Variants in ZBTB16 observed in about 807,000 individuals in gnomAD.
ZBTB16 encodes zinc finger and BTB domain containing 16, also known as zinc finger and BTB domain-containing protein 16.
In ZBTB16, 8 loss-of-function variants were observed where a neutral mutation model predicts 56.8. That is an observed-to-expected ratio of 0.14 (90% CI 0.08 to 0.25). The LOEUF is 0.25. Ranked by LOEUF, ZBTB16 falls within the 10% of genes least tolerant of loss-of-function variation. ZBTB16 has a pLI of 1.00. For missense variants in ZBTB16, 625 were observed against 903.0 expected (o/e 0.69, Z 3.95); for synonymous variants, 363 against 368.5 (o/e 0.98, Z 0.17).
Position 114,064,856 on chromosome 11 carries a change from G to T in ZBTB16, c.1268+288G>T, listed in dbSNP as rs1784689. Among the ~76,000 whole-genome samples, 149,736 of 152,240 alleles carry T rather than the reference G, an allele frequency of 0.98. 73,697 individuals carry two copies. Among genetic ancestry groups the T allele is most frequent in the East Asian group, 1 (5,178 of 5,178 alleles). On this transcript the variant is annotated intron_variant, in intron 2 of 6. Transcript: ENST00000335953. This position sits in a 1 kb window ranked among gnomAD's most constrained non-coding sequence, Gnocchi z 4.2. ...CTTTTGGGCCCCTGTTTGTTTTTTC[G>T]GCTGTTTGGTCTGTTCTCCTTTGCT...
intron 4 of ZBTB16, among the ~76,000 whole-genome samples, chr11:114,212,076 T>C (rs1446544187): frequency 6.6e-6 from 1 of 151,890 alleles, no homozygotes; most frequent in East Asian, 1.9e-4. Flanking sequence ...CCAGCCCACC[T>C]CCTTTTGTAC....
intron 3 of ZBTB16, among the ~76,000 whole-genome samples, chr11:114,157,526 C>T (rs967095588): frequency 2.6e-5 from 4 of 152,202 alleles, no homozygotes; most frequent in African/African-American, 4.8e-5. Flanking sequence ...GTTTCTGAGC[C>T]TGTTGCCCCG....
rs1339013296 is a variant in ZBTB16 at position 114,251,687 on chromosome 11, GT to G, written c.*1133del. 6.6e-6 allele frequency among the ~76,000 whole-genome samples: 1 copy of G among 152,164 alleles called. No homozygotes were observed. The highest frequency in any genetic ancestry group is 1.5e-5 in the Non-Finnish European group (1 of 68,034). On this transcript the variant is annotated 3_prime_UTR_variant, in exon 7 of 7. Transcript: ENST00000335953. Reference sequence around the variant, plus strand: ...TAGTGAGCTCAGCAAGAAAAGCCAGGTCCAGAGAGAGTCGCACAGAATTCCT... The same window carrying G: ...TAGTGAGCTCAGCAAGAAAAGCCAGGCCAGAGAGAGTCGCACAGAATTCCT...
intron 4 of ZBTB16, among the ~76,000 whole-genome samples, chr11:114,233,024 C>G (rs1326064355): frequency 2.2e-5 from 3 of 137,586 alleles, no homozygotes; most frequent in Admixed American, 7.6e-5. Context: ...ACTTTCCACC[C>G]CAACTCATCC....
chr11:114,105,692 T>C (rs929710140), intron 2 of ZBTB16, among the ~76,000 whole-genome samples: 3 of 152,200 alleles, frequency 2.0e-5, no homozygotes, highest in Non-Finnish European at 2.9e-5. Context: ...ATGAACTTTT[T>C]CCCCTGTTCC....
intron 4 of ZBTB16, among the ~76,000 whole-genome samples, chr11:114,226,965 G>A (rs529822): frequency 0.92 from 139,567 of 152,198 alleles, 64,116 homozygotes; most frequent in East Asian, 1. Context: ...AATCCCTTGC[G>A]TGCAGCCTGA....
chr11:114,240,501 C>T (rs140661192), intron 4 of ZBTB16, among the ~76,000 whole-genome samples: 2 of 147,590 alleles, frequency 1.4e-5, no homozygotes, highest in South Asian at 4.5e-4. Context: ...GGCCTACTTA[C>T]GTTTCCTGCT....
chr11:114,118,201 G>C (rs1438979668), intron 2 of ZBTB16, among the ~76,000 whole-genome samples: 3 of 152,206 alleles, frequency 2.0e-5, no homozygotes, highest in African/African-American at 7.2e-5. Flanking sequence ...TGTTGAGACA[G>C]AGGCTCGCTC....
At chr11:114,138,902 G>C (rs1039404221) in intron 2 of ZBTB16, among the ~76,000 whole-genome samples, 1 of 151,860 alleles carries the variant, frequency 6.6e-6, no homozygotes, top group African/African-American at 2.4e-5. Context: ...TGTTGGCCAG[G>C]CTGGTCTCGA....
intron 2 of ZBTB16, among the ~76,000 whole-genome samples, chr11:114,144,806 C>T (rs760168786): frequency 1.3e-5 from 2 of 152,228 alleles, no homozygotes; most frequent in Admixed American, 6.5e-5. Flanking sequence ...TTGACCAAAT[C>T]AAAGCTGGCT....
intron 2 of ZBTB16, among the ~76,000 whole-genome samples, chr11:114,109,893 G>GA (rs1940940750): frequency 6.6e-6 from 1 of 152,216 alleles, no homozygotes; most frequent in Non-Finnish European, 1.5e-5. Context: ...CAGCTGGGCA[G>GA]AGCAGCAAGG....
intron 2 of ZBTB16, among the ~76,000 whole-genome samples, chr11:114,098,905 T>C (rs1437443367): frequency 6.6e-6 from 1 of 152,218 alleles, no homozygotes; most frequent in Non-Finnish European, 1.5e-5. Flanking sequence ...TTTGTGGTTT[T>C]CAGCCCAGAA....
intron 2 of ZBTB16, among the ~76,000 whole-genome samples, chr11:114,081,072 CCTCA>C (rs1555128518): frequency 1.3e-5 from 2 of 152,162 alleles, no homozygotes; most frequent in Non-Finnish European, 2.9e-5. Context: ...AAACCAGGAC[CCTCA>C]CTCCCAGCCC....
intron 2 of ZBTB16, among the ~76,000 whole-genome samples, chr11:114,106,059 C>CTAT (rs1450497378): frequency 5.9e-5 from 9 of 152,204 alleles, no homozygotes; most frequent in Non-Finnish European, 1.2e-4. Flanking sequence ...TAATGCTTTT[C>CTAT]TATCCCCTTC....
intron 2 of ZBTB16, among the ~76,000 whole-genome samples, chr11:114,072,361 G>A (rs1378888919): frequency 1.3e-5 from 2 of 152,272 alleles, no homozygotes; most frequent in East Asian, 1.9e-4. Context: ...AAATTTAGCC[G>A]GGCAGCGCTC....
chr11:114,190,886 A>C (rs760362826), intron 4 of ZBTB16, among the ~76,000 whole-genome samples: 14 of 152,196 alleles, frequency 9.2e-5, no homozygotes, highest in Non-Finnish European at 1.8e-4. Context: ...TAATTGGCTC[A>C]CAGTTCTGCA....
intron 3 of ZBTB16, among the ~76,000 whole-genome samples, chr11:114,171,674 A>G (rs1942972321): frequency 6.6e-6 from 1 of 152,222 alleles, no homozygotes; most frequent in Non-Finnish European, 1.5e-5. Context: ...AGCCCTGCAC[A>G]GCCTAGAATT....
chr11:114,091,732 G>C (rs141642544), intron 2 of ZBTB16, among the ~76,000 whole-genome samples: 1 of 151,384 alleles, frequency 6.6e-6, no homozygotes, highest in African/African-American at 2.4e-5. Flanking sequence ...CTCTGTATGC[G>C]GCGACTGAGG....
chr11:114,167,306 GTT>G (rs1392310823), intron 3 of ZBTB16, among the ~76,000 whole-genome samples: 6 of 102,148 alleles, frequency 5.9e-5, no homozygotes, highest in Non-Finnish European at 1.0e-4. Context: ...GCTTGGCTGT[GTT>G]TTCTCTCTCT....
Sources: gnomAD v4.1 joint callset for allele counts (sites outside exome capture counted in the v4.1 genomes callset) on GRCh38, gnomAD v4.1.1 for gene constraint, Gnocchi (gnomAD v3.1) non-coding constraint, MANE v1.5 for transcripts, NCBI Gene and HGNC (gene_info 2026-07-23, HGNC 2026-07-21) for gene names.